ACTL8: variants seen among roughly 807,000 people sequenced by gnomAD.
The protein encoded by ACTL8 is actin-like protein 8.
In ACTL8, 3 loss-of-function variants were observed where a neutral mutation model predicts 9.3. The ratio of observed to expected loss-of-function variants is 0.32; its 90% confidence interval spans 0.15 to 0.83. The LOEUF is 0.83. Among genes scored for constraint, ACTL8 ranks in the 40% least tolerant of loss-of-function variants. The pLI is 0.57. For missense variants in ACTL8, 381 were observed against 492.2 expected, an observed-to-expected ratio of 0.77 and a Z score of 2.14; for synonymous variants, 224 against 205.9, an observed-to-expected ratio of 1.09 and a Z score of -0.75.
At chr1:17,791,465 C>G (rs2066238767) in intron 1 of ACTL8, among the ~76,000 whole-genome samples, 1 of 152,242 alleles carries the variant, frequency 6.6e-6, no homozygotes, top group Non-Finnish European at 1.5e-5. Context: ...GAACACAGGT[C>G]TGTGTGAATC....
rs1196927580 is a variant in ACTL8, at chr1:17,767,959, G to T, written c.-25+12455G>T. Among the ~76,000 whole-genome samples, 1 of 152,054 alleles carries T rather than the reference G, an allele frequency of 6.6e-6. No individual in the cohort carries two copies. Among genetic ancestry groups the T allele is most frequent in the Non-Finnish European group, 1.5e-5 (1 of 68,002 alleles). ...CTCTGGTGGGACTGGGTGTCTGTGG[G>T]TTCAGTCCTGGGGGGCAGGGGTGAG... On this transcript the variant is annotated intron_variant, in intron 1 of 2. Transcript: ENST00000375406. The surrounding 1 kb of genome is among the most constrained non-coding windows in gnomAD (Gnocchi z 4.7).
At chr1:17,789,527 G>A (rs2066222743) in intron 1 of ACTL8, among the ~76,000 whole-genome samples, 2 of 152,118 alleles carry the variant, frequency 1.3e-5, no homozygotes, top group Admixed American at 1.3e-4. Flanking sequence ...TTTCAGTCTT[G>A]GTGGTGTCCC....
intron 1 of ACTL8, among the ~76,000 whole-genome samples, chr1:17,766,341 G>A (rs1256921965): frequency 1.3e-5 from 2 of 152,126 alleles, no homozygotes; most frequent in Admixed American, 6.5e-5. Context: ...TGACTTAATC[G>A]GCAGAGAACT....
chr1:17,820,183 C>T (rs2053641223), intron 1 of ACTL8, among the ~76,000 whole-genome samples: 1 of 152,264 alleles, frequency 6.6e-6, no homozygotes, highest in Admixed American at 6.5e-5. Flanking sequence ...CACCTGGCTG[C>T]CAGCGGCCAC....
At chr1:17,776,348 A>G (rs1375809208) in intron 1 of ACTL8, among the ~76,000 whole-genome samples, 1 of 152,178 alleles carries the variant, frequency 6.6e-6, no homozygotes, top group Non-Finnish European at 1.5e-5. Context: ...TCCAGGGTCA[A>G]TGAGTTTGGT....
intron 1 of ACTL8, among the ~76,000 whole-genome samples, chr1:17,780,198 G>C (rs376631158): frequency 2.0e-5 from 3 of 152,096 alleles, no homozygotes; most frequent in Admixed American, 6.5e-5. Context: ...ACAGAGTTGA[G>C]ACCCTGTCTT....
At chr1:17,770,469 C>T (rs1170085436) in intron 1 of ACTL8, among the ~76,000 whole-genome samples, 1 of 152,230 alleles carries the variant, frequency 6.6e-6, no homozygotes, top group Non-Finnish European at 1.5e-5. Context: ...TGGCTAAGAG[C>T]TACCGACTTT....
intron 1 of ACTL8, among the ~76,000 whole-genome samples, chr1:17,769,451 C>G (rs1211219397): frequency 6.6e-6 from 1 of 152,190 alleles, no homozygotes; most frequent in Non-Finnish European, 1.5e-5. Context: ...AACCCACCTT[C>G]TAGACTTTCC....
Position 17,826,218 on chromosome 1 carries a change from A to G in ACTL8, c.800A>G (p.Gln267Arg). 6.2e-7 allele frequency: 1 copy of G among 1,613,526 alleles called. No homozygotes were observed. Among genetic ancestry groups the G allele is most frequent in the Non-Finnish European group, 8.5e-7 (1 of 1,179,944 alleles). ...TTCTTTAGCCCGCAGGTGTTCGAGC[A>G]GCCGGGGCCCAGCATCCCACGGGCC... is the stretch of plus-strand genomic sequence containing the variant. ...EMFFSPQVFE[Q>R]PGPSIPRAIV... Residue 267 changes from glutamine (Q) to arginine (R), a missense_variant, in exon 3 of 3, where the codon CAG becomes CGG. By Grantham distance (43) the Gln-to-Arg change is conservative (BLOSUM62 1). This residue lies in a region of ACTL8 where 243 missense variants were observed against 276.2 expected (regional missense o/e 0.88). Coordinates refer to ENST00000375406, the MANE Select transcript of ACTL8 (RefSeq NM_030812.3). This position sits in a 1 kb window ranked among gnomAD's most constrained non-coding sequence, Gnocchi z 4.5.
intron 1 of ACTL8, among the ~76,000 whole-genome samples, chr1:17,780,524 G>A (rs11590803): frequency 0.28 from 43,010 of 152,034 alleles, 6,617 homozygotes; most frequent in Admixed American, 0.37. Context: ...TTTTAAGACC[G>A]TGGAAAACAA....
intron 1 of ACTL8, among the ~76,000 whole-genome samples, chr1:17,781,179 C>T (rs1353192155): frequency 6.6e-6 from 1 of 151,828 alleles, no homozygotes; most frequent in Non-Finnish European, 1.5e-5. Flanking sequence ...CATGGCCTTC[C>T]TCTCTGTGTG....
At chr1:17,760,326 C>G (rs1205318223) in intron 1 of ACTL8, among the ~76,000 whole-genome samples, 1 of 152,108 alleles carries the variant, frequency 6.6e-6, no homozygotes, top group African/African-American at 2.4e-5. Flanking sequence ...CTTCAATTCC[C>G]CAGATGAGGG....
intron 1 of ACTL8, among the ~76,000 whole-genome samples, chr1:17,821,352 G>A (rs117260238): frequency 1.2e-3 from 190 of 152,262 alleles, no homozygotes; most frequent in Non-Finnish European, 2.1e-3. Context: ...CTTTGCCTTC[G>A]TGGTTTCTCC....
chr1:17,808,699 C>T (rs112254590), intron 1 of ACTL8, among the ~76,000 whole-genome samples: 2 of 152,274 alleles, frequency 1.3e-5, no homozygotes, highest in African/African-American at 2.4e-5. Flanking sequence ...CATAGTGGTC[C>T]GTGGAGGAAT....
At chr1:17,769,588 G>C (rs575419848) in intron 1 of ACTL8, among the ~76,000 whole-genome samples, 1 of 152,274 alleles carries the variant, frequency 6.6e-6, no homozygotes, top group South Asian at 2.1e-4. Flanking sequence ...AGTAAAAAGG[G>C]GGTGGTGGTG....
intron 2 of ACTL8, among the ~76,000 whole-genome samples, chr1:17,824,929 G>A (rs2053701100): frequency 6.6e-6 from 1 of 152,094 alleles, no homozygotes; most frequent in African/African-American, 2.4e-5. Flanking sequence ...AATGGAGGGA[G>A]CCCCCTCCCA....
At chr1:17,795,097 G>A (rs2102689560) in intron 1 of ACTL8, among the ~76,000 whole-genome samples, 1 of 152,324 alleles carries the variant, frequency 6.6e-6, no homozygotes. Context: ...GGTGGCATGG[G>A]GCCCCAGAGT....
chr1:17,813,514 T>C (rs2066406750), intron 1 of ACTL8, among the ~76,000 whole-genome samples: 2 of 152,204 alleles, frequency 1.3e-5, no homozygotes, highest in African/African-American at 4.8e-5. Flanking sequence ...TTTTTATATA[T>C]TACTGGGCTT....
chr1:17,817,963 A>G (rs1247852300), intron 1 of ACTL8, among the ~76,000 whole-genome samples: 2 of 152,112 alleles, frequency 1.3e-5, no homozygotes, highest in African/African-American at 4.8e-5. Context: ...TGGCCTTCCA[A>G]AGTGCTGGGA....
Sources: allele counts gnomAD v4.1 joint callset (sites outside exome capture counted in the v4.1 genomes callset), GRCh38; gene constraint gnomAD v4.1.1; regional missense constraint gnomAD v4.1.1; non-coding constraint Gnocchi (gnomAD v3.1); transcripts MANE v1.5; gene names NCBI Gene and HGNC (gene_info 2026-07-23, HGNC 2026-07-21).